ADAM23: variants seen among roughly 807,000 people sequenced by gnomAD.
ADAM23 encodes the protein disintegrin and metalloproteinase domain-containing protein 23.
In ADAM23, 33 loss-of-function variants were observed where a neutral mutation model predicts 120.1. The observed-to-expected ratio is 0.27, with a 90% CI of 0.21 to 0.37. The LOEUF (loss-of-function observed/expected upper bound fraction) is 0.37, where lower values mean the gene tolerates loss of function less well. Among genes scored for constraint, ADAM23 ranks in the 10% least tolerant of loss-of-function variants. The pLI is 1.00. For missense variants in ADAM23, 862 were observed against 1,058.2 expected (o/e 0.81, Z 2.57); for synonymous variants, 367 against 375.2 (o/e 0.98, Z 0.25).
chr2:206,616,427 G>A (rs554385650), intron 25 of ADAM23, among the ~76,000 whole-genome samples: 1 of 152,276 alleles, frequency 6.6e-6, no homozygotes, highest in South Asian at 2.1e-4. Flanking sequence ...ACGTTTTAAT[G>A]TAAACTTTAA....
intron 24 of ADAM23, among the ~76,000 whole-genome samples, chr2:206,605,480 A>G (rs1034294784): frequency 1.3e-5 from 2 of 152,208 alleles, no homozygotes; most frequent in Non-Finnish European, 2.9e-5. Flanking sequence ...CTGTTATGCA[A>G]TTTAAATTAC....
rs144457261 is a variant in ADAM23 at position 206,483,668 on chromosome 2, A to G, written c.509+2360A>G. Among the ~76,000 whole-genome samples the G allele has an allele frequency of 2.1e-3, 315 of 152,344 alleles. 1 individual carries two copies. Among genetic ancestry groups the G allele is most frequent in the African/African-American group, 7.3e-3 (302 of 41,586 alleles). ...ATGGGAAGGTGTGATTTACAGTGTC[A>G]TCTGCAGTAGAGCCATCTACTGGCA... is the stretch of plus-strand genomic sequence containing the variant. On this transcript the variant is annotated intron_variant, in intron 3 of 25. Coordinates refer to ENST00000264377, the MANE Select transcript of ADAM23 (RefSeq NM_003812.4).
At chr2:206,462,371 C>T (rs1356521497) in intron 2 of ADAM23, among the ~76,000 whole-genome samples, 1 of 152,178 alleles carries the variant, frequency 6.6e-6, no homozygotes, top group Non-Finnish European at 1.5e-5. Flanking sequence ...GTTCTCACAA[C>T]GTTAAATAAT....
At chr2:206,565,831 C>T (rs1013577552) in intron 14 of ADAM23, among the ~76,000 whole-genome samples, 1 of 152,322 alleles carries the variant, frequency 6.6e-6, no homozygotes. Context: ...CTACCTCCGT[C>T]CCTCTGGTTG....
At position 206,596,107 on chromosome 2, in the gene ADAM23, C is replaced by T; in HGVS notation, c.2304C>T (p.Cys768=). 6.2e-7 allele frequency: 1 copy of T among 1,613,930 alleles called. No individual in the cohort carries two copies. Among genetic ancestry groups the T allele is most frequent in the East Asian group, 2.2e-5 (1 of 44,870 alleles). ...ATTTCACCTGGGCAGGGACAGATTG[C>T]AGTATCCGGGATCCAGTTAGGAACC... ...ICDFTWAGTD[C]SIRDPVRNLH... The change falls in exon 24 of 26, where the codon TGC becomes TGT. Residue 768 remains cysteine, a synonymous_variant. Transcript: ENST00000264377.
At chr2:206,602,155 ACC>A (rs1472867191) in intron 24 of ADAM23, among the ~76,000 whole-genome samples, 9 of 152,174 alleles carry the variant, frequency 5.9e-5, no homozygotes, top group African/African-American at 1.7e-4. Context: ...ATTATGTGCT[ACC>A]TGGATATTTT....
intron 3 of ADAM23, among the ~76,000 whole-genome samples, chr2:206,493,326 T>C (rs1696169868): frequency 6.6e-6 from 1 of 152,228 alleles, no homozygotes; most frequent in African/African-American, 2.4e-5. Flanking sequence ...AGCCTTAATA[T>C]AATATTTAGA....
chr2:206,588,318 A>G (rs921306534), intron 20 of ADAM23, among the ~76,000 whole-genome samples, 164 bp downstream of exon 20: 2 of 152,188 alleles, frequency 1.3e-5, no homozygotes, highest in African/African-American at 2.4e-5. Flanking sequence ...CACAAAAACT[A>G]TAGAAAACAA....
At chr2:206,527,574 G>C (rs1444170565) in intron 3 of ADAM23, among the ~76,000 whole-genome samples, 4 of 152,186 alleles carry the variant, frequency 2.6e-5, no homozygotes, top group African/African-American at 9.7e-5. Context: ...GATCAATCTT[G>C]CACATTTGTG....
At chr2:206,553,056 G>A (rs902017918) in intron 9 of ADAM23, among the ~76,000 whole-genome samples, 4 of 152,032 alleles carry the variant, frequency 2.6e-5, no homozygotes, top group Non-Finnish European at 5.9e-5. Context: ...AATTTGTACT[G>A]ATAAATTTAG....
intron 3 of ADAM23, among the ~76,000 whole-genome samples, chr2:206,499,528 T>G (rs542448346): frequency 7.3e-5 from 11 of 150,166 alleles, no homozygotes; most frequent in South Asian, 6.5e-4. Flanking sequence ...TTAGGAGATA[T>G]ACCTAATGCT....
At chr2:206,501,340 CT>C (rs557819606) in intron 3 of ADAM23, among the ~76,000 whole-genome samples, 12 of 149,106 alleles carry the variant, frequency 8.0e-5, no homozygotes, top group South Asian at 2.1e-4. Context: ...CTATCAAGTA[CT>C]TTTTTTTTTC....
chr2:206,611,263 G>C (rs914735459), intron 25 of ADAM23, among the ~76,000 whole-genome samples: 1 of 152,094 alleles, frequency 6.6e-6, no homozygotes, highest in Non-Finnish European at 1.5e-5. Context: ...AACTTGTTTA[G>C]TAATGTAGTC....
At chr2:206,449,053 G>A (rs1695139172) in intron 2 of ADAM23, among the ~76,000 whole-genome samples, 1 of 152,130 alleles carries the variant, frequency 6.6e-6, no homozygotes, top group Admixed American at 6.5e-5. Context: ...TGGATCTGAC[G>A]CTGTCTCCAG....
chr2:206,533,581 A>G (rs1697115418), intron 4 of ADAM23, among the ~76,000 whole-genome samples: 1 of 152,222 alleles, frequency 6.6e-6, no homozygotes, highest in South Asian at 2.1e-4. Flanking sequence ...TTTTCCACGT[A>G]ACTAAAGAAC....
chr2:206,521,534 GAAAAT>G (rs746584516), intron 3 of ADAM23, among the ~76,000 whole-genome samples: 32 of 152,066 alleles, frequency 2.1e-4, no homozygotes, highest in Non-Finnish European at 4.0e-4. Context: ...GCAAAAGAAA[GAAAAT>G]AAAAACTCTT....
At chr2:206,610,113 CAA>C (rs1291402013) in intron 25 of ADAM23, 113 bp downstream of exon 25, 1 of 889,940 alleles carries the variant, frequency 1.1e-6, no homozygotes, top group Non-Finnish European at 1.6e-6. Context: ...AGTCAAACTG[CAA>C]AAAATAAGTC....
chr2:206,496,709 A>C (rs1250435229), intron 3 of ADAM23, among the ~76,000 whole-genome samples: 1 of 152,238 alleles, frequency 6.6e-6, no homozygotes. Flanking sequence ...CAATGAATCC[A>C]GGAGCTGGTT....
Position 206,445,646 on chromosome 2 carries a change from AT to A in ADAM23, c.432+124del. ...GCATTTTATTAAGAAAGCAATTAAT[AT>A]TATGATAGGGGAGAAACTGGAAGGA... On this transcript the variant is annotated intron_variant, in intron 2 of 25. Transcript: ENST00000264377. 3 of 803,864 alleles carry A rather than the reference AT, an allele frequency of 3.7e-6. No individual in the cohort carries two copies. In the East Asian group the frequency reaches 7.8e-5, roughly 21 times the overall value. 49.8% of individuals were successfully genotyped at this position (803,864 alleles called of 1,614,324 possible). A position where few individuals can be genotyped will look rare whatever the true frequency, so the allele number is the denominator to read the frequency against.
Sources: gnomAD v4.1 joint callset for allele counts (sites outside exome capture counted in the v4.1 genomes callset) on GRCh38, gnomAD v4.1.1 for gene constraint, MANE v1.5 for transcripts, NCBI Gene and HGNC (gene_info 2026-07-23, HGNC 2026-07-21) for gene names.